The following RGS12 variants were observed in gnomAD, a reference collection of about 807,000 sequenced individuals.
RGS12 encodes regulator of G-protein signaling 12.
A neutral mutation model predicts 120.1 loss-of-function variants in RGS12; 66 were observed. That is an observed-to-expected ratio of 0.55 (90% CI 0.45 to 0.67). The LOEUF is 0.67. RGS12 is among the 30% of genes least tolerant of loss of function. RGS12 has a pLI of 0.00. For synonymous variants in RGS12, 827 were observed against 804.7 expected (o/e 1.03, Z -0.47); for missense variants, 1,859 against 1,957.7 (o/e 0.95, Z 0.95).
rs1719228794 is a variant in RGS12 at position 3,389,430 on chromosome 4, A to C, written c.2020+2993A>C. 6.6e-6 allele frequency among the ~76,000 whole-genome samples: 1 copy of C among 152,176 alleles called. No homozygotes were observed. Among genetic ancestry groups the C allele is most frequent in the Non-Finnish European group, 1.5e-5 (1 of 68,024 alleles). On this transcript the variant is annotated intron_variant, in intron 4 of 17. Coordinates refer to ENST00000336727, the MANE Select transcript of RGS12 (RefSeq NM_001394154.1). The surrounding 1 kb of genome is among the most constrained non-coding windows in gnomAD (Gnocchi z 5.2). ...TTATTCAGACAGAAGTGTGAGGTCG[A>C]GCTGGAGGGAGATGGGGCGTTGTGA...
rs773347195 is a variant in RGS12 at position 3,317,760 on chromosome 4, C to T, written c.1590C>T (p.Gly530=). ...PPSKRGTVGA[G]CGFNQRWLPV... ...CCAAGAGGGGCACCGTGGGTGCTGG[C>T]TGTGGTTTCAACCAGCGCTGGCTCC... The change falls in exon 2 of 18, where the codon GGC becomes GGT. Residue 530 remains glycine (G), a synonymous_variant. Transcript: ENST00000336727. 3 of 1,613,558 alleles carry T rather than the reference C, an allele frequency of 1.9e-6. No homozygotes were observed. The highest frequency in any genetic ancestry group is 2.2e-5 in the East Asian group (1 of 44,880).
chr4:3,332,794 CT>C, intron 2 of RGS12, among the ~76,000 whole-genome samples: 1 of 152,328 alleles, frequency 6.6e-6, no homozygotes, highest in East Asian at 1.9e-4. Context: ...GATGTATAAT[CT>C]TTTCTCCTAT....
At chr4:3,362,368 AG>A (rs1715660814) in intron 3 of RGS12, among the ~76,000 whole-genome samples, 1 of 150,334 alleles carries the variant, frequency 6.7e-6, no homozygotes, top group African/African-American at 2.5e-5. Flanking sequence ...GGTGTGTGTG[AG>A]GGTGTCAGTG....
intron 8 of RGS12, 34 bp downstream of exon 8, chr4:3,417,126 G>C: frequency 6.4e-7 from 1 of 1,552,490 alleles, no homozygotes; most frequent in East Asian, 2.3e-5. Context: ...ACGCCCCTGT[G>C]GGTTGTGTGT....
At position 3,365,730 on chromosome 4, in the gene RGS12, T is replaced by C. The variant is rs556916246; in HGVS notation, c.1999-20686T>C. ...GTCTCTTAGGTTTGCGACTTTGCTA[T>C]TTTCAGAATTTAACTTAGAAATCTT... On this transcript the variant is annotated intron_variant, in intron 3 of 17. Transcript: ENST00000336727. The surrounding 1 kb of genome is among the most constrained non-coding windows in gnomAD (Gnocchi z 4.0). 1.3e-5 allele frequency among the ~76,000 whole-genome samples: 2 copies of C among 152,330 alleles called. No homozygotes were observed. Among genetic ancestry groups the C allele is most frequent in the South Asian group, 4.1e-4 (2 of 4,830 alleles).
At chr4:3,329,194 G>A (rs1711548509) in intron 2 of RGS12, among the ~76,000 whole-genome samples, 2 of 152,186 alleles carry the variant, frequency 1.3e-5, no homozygotes, top group Non-Finnish European at 2.9e-5. Context: ...GGGGTCAGGT[G>A]GGTGGGAGGA....
chr4:3,324,461 TG>T, intron 2 of RGS12: 1 of 245,972 alleles, frequency 4.1e-6, no homozygotes. Context: ...TGCTTGTCTC[TG>T]GTTGGTACTG....
chr4:3,300,491 C>T (rs1007962792), intron 1 of RGS12, among the ~76,000 whole-genome samples: 1 of 136,256 alleles, frequency 7.3e-6, no homozygotes, highest in South Asian at 2.4e-4. Context: ...CCTGGGCCCG[C>T]CCCTCCTAGG....
intron 3 of RGS12, among the ~76,000 whole-genome samples, chr4:3,351,007 A>G (rs886825666): frequency 2.0e-5 from 3 of 152,242 alleles, no homozygotes; most frequent in Non-Finnish European, 4.4e-5. Context: ...TATTTTTGAC[A>G]AAACGGAACT....
chr4:3,429,876 G>A (rs776285236), intron 16 of RGS12, among the ~76,000 whole-genome samples: 2 of 152,186 alleles, frequency 1.3e-5, no homozygotes, highest in Non-Finnish European at 2.9e-5. Context: ...CGAGAGGCAG[G>A]CGTGGATTTG....
chr4:3,286,887 G>C, the RGS12 span, among the ~76,000 whole-genome samples: 1 of 152,250 alleles, frequency 6.6e-6, no homozygotes, highest in Admixed American at 6.5e-5. Flanking sequence ...GCCTGCGGGA[G>C]CCGACGCTGC....
intron 14 of RGS12, among the ~76,000 whole-genome samples, chr4:3,426,986 A>G (rs772585253): frequency 4.6e-5 from 7 of 152,186 alleles, no homozygotes; most frequent in Non-Finnish European, 8.8e-5. Flanking sequence ...CACGTGGCTC[A>G]CTTGTCCCCA....
chr4:3,289,238 CT>C (rs928159681), upstream of RGS12, among the ~76,000 whole-genome samples: 7 of 152,132 alleles, frequency 4.6e-5, no homozygotes, highest in Non-Finnish European at 7.3e-5. Flanking sequence ...GGATCTCATT[CT>C]GTTGCCCAGG....
chr4:3,294,944 G>A (rs140556958), intron 1 of RGS12, among the ~76,000 whole-genome samples: 1 of 152,300 alleles, frequency 6.6e-6, no homozygotes, highest in Non-Finnish European at 1.5e-5. Context: ...AGAGGGCAGG[G>A]GTGGCGCGGC....
chr4:3,300,969 TGAG>T (rs1723651735), intron 1 of RGS12, among the ~76,000 whole-genome samples: 1 of 152,178 alleles, frequency 6.6e-6, no homozygotes, highest in Non-Finnish European at 1.5e-5. Flanking sequence ...CTGGGGGTGG[TGAG>T]GAGCCACGTG....
At chr4:3,307,710 G>T (rs911553553) in intron 1 of RGS12, among the ~76,000 whole-genome samples, 1 of 152,192 alleles carries the variant, frequency 6.6e-6, no homozygotes, top group Non-Finnish European at 1.5e-5. Context: ...ACTGTGCCTG[G>T]CATGGAGAGA....
intron 2 of RGS12, chr4:3,342,499 A>G (rs1713338490): frequency 7.8e-7 from 1 of 1,290,246 alleles, no homozygotes; most frequent in Admixed American, 2.3e-5. Flanking sequence ...AGTGCTTACA[A>G]AATTATGAAA....
At chr4:3,371,747 G>A (rs561633089) in intron 3 of RGS12, among the ~76,000 whole-genome samples, 4 of 152,266 alleles carry the variant, frequency 2.6e-5, no homozygotes, top group Admixed American at 6.5e-5. Context: ...CTCTGGGGTC[G>A]GCAGAATTGC....
rs1717107132 is a variant in RGS12 at position 3,372,378 on chromosome 4, T to A, written c.1999-14038T>A. Among the ~76,000 whole-genome samples the A allele has an allele frequency of 6.6e-6, 1 of 152,138 alleles. No homozygotes were observed. Among genetic ancestry groups the A allele is most frequent in the Admixed American group, 6.5e-5 (1 of 15,274 alleles). Reference sequence around the variant, plus strand: ...TTCCGGGGCAGTTCCACCTCTCCTGTGAGTTGTGGGAACAAGTCCCCACTG... The same window carrying A: ...TTCCGGGGCAGTTCCACCTCTCCTGAGAGTTGTGGGAACAAGTCCCCACTG... On this transcript the variant is annotated intron_variant, in intron 3 of 17. Transcript: ENST00000336727. This position sits in a 1 kb window ranked among gnomAD's most constrained non-coding sequence, Gnocchi z 4.3.
Sources: allele counts gnomAD v4.1 joint callset (sites outside exome capture counted in the v4.1 genomes callset), GRCh38; gene constraint gnomAD v4.1.1; non-coding constraint Gnocchi (gnomAD v3.1); transcripts MANE v1.5; gene names NCBI Gene and HGNC (gene_info 2026-07-23, HGNC 2026-07-21).